ATP1B1: variants seen among roughly 807,000 people sequenced by gnomAD.
ATP1B1 encodes ATPase Na+/K+ transporting subunit beta 1, also known as sodium/potassium-transporting ATPase subunit beta-1.
In ATP1B1, 3 loss-of-function variants were observed where a neutral mutation model predicts 39.6. The ratio of observed to expected loss-of-function variants is 0.08; its 90% CI spans 0.03 to 0.20. The LOEUF is 0.20. Among genes scored for constraint, ATP1B1 ranks in the 10% least tolerant of loss-of-function variants. The pLI is 1.00. For missense variants in ATP1B1, 216 were observed against 371.1 expected (o/e 0.58, Z 3.43); for synonymous variants, 139 against 135.0 (o/e 1.03, Z -0.20).
At chr1:169,124,251 T>C (rs1419986012) in intron 2 of ATP1B1, among the ~76,000 whole-genome samples, 5 of 152,198 alleles carry the variant, frequency 3.3e-5, no homozygotes, top group Non-Finnish European at 7.3e-5. Context: ...GGCACTGACA[T>C]GCTGAGACTT....
chr1:169,122,855 T>G lies in ATP1B1; in HGVS notation c.227-2029T>G, dbSNP rs1315973875. On this transcript the variant is annotated intron_variant, in intron 2 of 5. Coordinates refer to ENST00000367815, the MANE Select transcript of ATP1B1 (RefSeq NM_001677.4). ...ATCCTTCCATCTTGGCCTCCCAAAGTGCTGTGATTACAGGCATGAGCCACT... is the reference window on the plus strand; with the variant it reads ...ATCCTTCCATCTTGGCCTCCCAAAGGGCTGTGATTACAGGCATGAGCCACT... Among the ~76,000 whole-genome samples, 3 of 149,464 alleles carry G rather than the reference T, an allele frequency of 2.0e-5. No homozygotes were observed. In the Admixed American group the frequency reaches 2.1e-4, roughly 10 times the overall value.
Position 169,131,638 on chromosome 1 carries a change from C to T in ATP1B1, c.*83C>T. 1.4e-6 allele frequency: 2 copies of T among 1,468,578 alleles called. No individual in the cohort carries two copies. Among genetic ancestry groups the T allele is most frequent in the South Asian group, 2.7e-5 (2 of 73,388 alleles). The allele number at this position is 1,468,578 out of a possible 1,614,324, so 91.0% of individuals were successfully genotyped here. On this transcript the variant is annotated 3_prime_UTR_variant, in exon 6 of 6. Transcript: ENST00000367815. The surrounding 1 kb of genome is among the most constrained non-coding windows in gnomAD (Gnocchi z 4.4). ...CAAAAACCTACTAGTCTTGAACAAA[C>T]TGTCATACGTATGGGACCTACACTT...
chr1:169,116,991 C>A (rs1657861972), intron 2 of ATP1B1, among the ~76,000 whole-genome samples: 1 of 152,168 alleles, frequency 6.6e-6, no homozygotes, highest in Admixed American at 6.5e-5. Flanking sequence ...CCACCCCCCG[C>A]AAACTACCTC....
At chr1:169,125,792 A>C (rs1301649069) in intron 3 of ATP1B1, among the ~76,000 whole-genome samples, 2 of 152,074 alleles carry the variant, frequency 1.3e-5, no homozygotes, top group Admixed American at 1.3e-4. Context: ...TGGGCAACAC[A>C]GTGAGACCCC....
At chr1:169,119,527 T>C (rs1220238318) in intron 2 of ATP1B1, among the ~76,000 whole-genome samples, 1 of 152,064 alleles carries the variant, frequency 6.6e-6, no homozygotes, top group East Asian at 1.9e-4. Context: ...ACTAACAACT[T>C]TAAGAAGTGG....
At position 169,124,871 on chromosome 1, in the gene ATP1B1, C is replaced by G. The variant is rs1317954443; in HGVS notation, c.227-13C>G. The G allele has an allele frequency of 1.2e-6, 2 of 1,609,026 alleles. No homozygotes were observed. Among genetic ancestry groups the G allele is most frequent in the African/African-American group, 2.7e-5 (2 of 74,602 alleles). ...TGCCTTCCTACTAATGTTTTTCTCT[C>G]TGCCTGGTCTAGGATTAACACAGAT... On this transcript the variant is annotated splice_polypyrimidine_tract_variant and intron_variant, in intron 2 of 5. Coordinates refer to ENST00000367815, the MANE Select transcript of ATP1B1 (RefSeq NM_001677.4).
intron 2 of ATP1B1, among the ~76,000 whole-genome samples, chr1:169,121,051 G>A (rs1169792398): frequency 3.3e-5 from 5 of 150,950 alleles, no homozygotes; most frequent in East Asian, 2.0e-4. Context: ...GGGCTCAAGC[G>A]ATTCTCGTGC....
Position 169,132,042 on chromosome 1 carries a change from G to GT in ATP1B1, c.*493dup, listed in dbSNP as rs1658240269. 3 of 112,986 alleles carry GT rather than the reference G, an allele frequency of 2.7e-5. No homozygotes were observed. Among genetic ancestry groups the GT allele is most frequent in the Non-Finnish European group, 3.4e-5 (2 of 58,676 alleles). The allele number at this position is 112,986 out of a possible 1,614,324, so 7.0% of individuals were successfully genotyped here. A position where few individuals can be genotyped will look rare whatever the true frequency, so the allele number is the denominator to read the frequency against. On this transcript the variant is annotated 3_prime_UTR_variant, in exon 6 of 6. Transcript: ENST00000367815. The stretch of plus-strand genomic sequence containing the variant: ...TAATTTTTTTTTTTTTTTTTTTTTT[G>GT]TTTTTTGGCTCTTTCAAAGGTAATG...
intron 2 of ATP1B1, among the ~76,000 whole-genome samples, chr1:169,112,057 C>T (rs1347238712): frequency 6.6e-6 from 1 of 152,178 alleles, no homozygotes; most frequent in Non-Finnish European, 1.5e-5. Flanking sequence ...TGTTAATTTG[C>T]AGTTTGAGCT....
At chr1:169,128,462 C>T (rs975776145) in intron 4 of ATP1B1, among the ~76,000 whole-genome samples, 2 of 152,028 alleles carry the variant, frequency 1.3e-5, no homozygotes, top group African/African-American at 4.8e-5. Flanking sequence ...CCTTTATTGC[C>T]ATCAGAGGCA....
At chr1:169,116,873 A>G (rs1431862448) in intron 2 of ATP1B1, among the ~76,000 whole-genome samples, 2 of 151,972 alleles carry the variant, frequency 1.3e-5, no homozygotes, top group Non-Finnish European at 2.9e-5. Context: ...ACCAAAAACA[A>G]AACAAACAAA....
At chr1:169,119,301 TA>T (rs1366930591) in intron 2 of ATP1B1, among the ~76,000 whole-genome samples, 1 of 152,248 alleles carries the variant, frequency 6.6e-6, no homozygotes, top group East Asian at 1.9e-4. Flanking sequence ...ATTAATGATA[TA>T]TAGCTTAAGG....
chr1:169,122,000 C>T (rs570553389), intron 2 of ATP1B1, among the ~76,000 whole-genome samples: 1 of 152,300 alleles, frequency 6.6e-6, no homozygotes, highest in East Asian at 1.9e-4. Context: ...TAGCCATCCA[C>T]CACCCTCCTG....
intron 2 of ATP1B1, among the ~76,000 whole-genome samples, chr1:169,123,615 A>G (rs1259548334): frequency 6.7e-6 from 1 of 149,680 alleles, no homozygotes; most frequent in East Asian, 2.0e-4. Flanking sequence ...ATATATCTCT[A>G]TCTATCTATC....
At chr1:169,124,546 A>G (rs939150258) in intron 2 of ATP1B1, among the ~76,000 whole-genome samples, 2 of 152,198 alleles carry the variant, frequency 1.3e-5, no homozygotes, top group Non-Finnish European at 2.9e-5. Context: ...GGAGTACAGC[A>G]CACCTGGGTT....
chr1:169,127,240 G>A lies in ATP1B1; in HGVS notation c.399G>A (p.Pro133=), dbSNP rs749105786. The change falls in exon 4 of 6, where the codon CCG becomes CCA. Residue 133 remains proline, a synonymous_variant. Transcript: ENST00000367815. ...FEDCGDVPSE[P]KERGDFNHER... is the part of the protein sequence containing the mutation. ...TATTTTTAGATGTGCCCAGTGAACC[G>A]AAAGAACGAGGAGACTTTAATCATG... 3.2e-6 allele frequency: 5 copies of A among 1,578,950 alleles called. No individual in the cohort carries two copies. Among genetic ancestry groups the A allele is most frequent in the Non-Finnish European group, 3.4e-6 (4 of 1,169,554 alleles).
rs1658259854 is a variant in ATP1B1, at chr1:169,132,513, G to A, written c.*958G>A. The A allele has an allele frequency of 4.6e-6, 2 of 433,300 alleles. No individual in the cohort carries two copies. Among genetic ancestry groups the A allele is most frequent in the African/African-American group, 4.1e-5 (2 of 48,796 alleles). 26.8% of individuals were successfully genotyped at this position (433,300 alleles called of 1,614,324 possible). A position where few individuals can be genotyped will look rare whatever the true frequency, so the allele number is the denominator to read the frequency against. Reference sequence around the variant, plus strand: ...TTCTGCAAGAAAAAGTGTAATGTATGAAATAAACCAAAGTCACTTGTTTGA... The same window carrying A: ...TTCTGCAAGAAAAAGTGTAATGTATAAAATAAACCAAAGTCACTTGTTTGA... On this transcript the variant is annotated 3_prime_UTR_variant, in exon 6 of 6. Coordinates refer to ENST00000367815, the MANE Select transcript of ATP1B1 (RefSeq NM_001677.4).
intron 5 of ATP1B1, 85 bp downstream of exon 5, chr1:169,130,175 G>T: frequency 8.5e-7 from 1 of 1,179,960 alleles, no homozygotes; most frequent in Non-Finnish European, 1.2e-6. Flanking sequence ...TAAGTGACAG[G>T]TAGAATTTTA....
intron 2 of ATP1B1, among the ~76,000 whole-genome samples, chr1:169,122,100 T>G (rs1003413937): frequency 6.6e-6 from 1 of 152,214 alleles, no homozygotes; most frequent in Non-Finnish European, 1.5e-5. Flanking sequence ...CACAGAATAC[T>G]TGGAGGAGGT....
Sources: allele counts gnomAD v4.1 joint callset (sites outside exome capture counted in the v4.1 genomes callset), GRCh38; gene constraint gnomAD v4.1.1; non-coding constraint Gnocchi (gnomAD v3.1); transcripts MANE v1.5; gene names NCBI Gene and HGNC (gene_info 2026-07-23, HGNC 2026-07-21).